Variants in RIMS1 observed in about 807,000 individuals in gnomAD.
RIMS1 encodes regulating synaptic membrane exocytosis protein 1.
Under a neutral mutation model 214.1 loss-of-function variants are expected in RIMS1, and 83 were observed. The ratio of observed to expected loss-of-function variants is 0.39; its 90% CI spans 0.32 to 0.47. The LOEUF (loss-of-function observed/expected upper bound fraction) is 0.47. Ranked by LOEUF, RIMS1 falls within the 20% of genes least tolerant of loss-of-function variation. The pLI is 0.99. For synonymous variants in RIMS1, 793 were observed against 786.8 expected (o/e 1.01, Z -0.13); for missense variants, 2,050 against 2,161.8 (o/e 0.95, Z 1.03).
chr6:72,231,650 C>A (rs1220334497), intron 6 of RIMS1, among the ~76,000 whole-genome samples: 1 of 151,646 alleles, frequency 6.6e-6, no homozygotes, highest in African/African-American at 2.4e-5. Context: ...AAATTAGATT[C>A]TTCATTCAGC....
At chr6:72,078,294 G>A (rs1237996917) in intron 2 of RIMS1, among the ~76,000 whole-genome samples, 1 of 152,090 alleles carries the variant, frequency 6.6e-6, no homozygotes, top group Non-Finnish European at 1.5e-5. Flanking sequence ...TTATTTTTAG[G>A]CAGGAGACAT....
chr6:72,064,574 T>C (rs1377540908), intron 2 of RIMS1, among the ~76,000 whole-genome samples: 1 of 152,220 alleles, frequency 6.6e-6, no homozygotes, highest in Non-Finnish European at 1.5e-5. Context: ...AATGCAATGC[T>C]GTGACAATGT....
intron 6 of RIMS1, among the ~76,000 whole-genome samples, chr6:72,196,672 T>C (rs1449656324): frequency 1.3e-5 from 2 of 149,036 alleles, no homozygotes; most frequent in Non-Finnish European, 3.0e-5. Flanking sequence ...CATTTGTTTT[T>C]CTTACTCCAT....
intron 6 of RIMS1, among the ~76,000 whole-genome samples, chr6:72,190,350 C>G (rs1288737718): frequency 6.6e-6 from 1 of 151,842 alleles, no homozygotes; most frequent in African/African-American, 2.4e-5. Context: ...GTAATCCCAG[C>G]TACTCGGGAG....
chr6:72,292,362 C>T (rs2093520095), intron 26 of RIMS1, among the ~76,000 whole-genome samples: 1 of 151,936 alleles, frequency 6.6e-6, no homozygotes, highest in African/African-American at 2.4e-5. Context: ...TGCAATATGG[C>T]ATTTTATGTG....
intron 4 of RIMS1, among the ~76,000 whole-genome samples, chr6:72,137,178 CTTG>C (rs1401184789): frequency 4.6e-5 from 7 of 152,060 alleles, no homozygotes; most frequent in Admixed American, 3.9e-4. Flanking sequence ...ATTCATCATT[CTTG>C]TTGTTTCAAG....
At chr6:72,127,055 T>C (rs1295277434) in intron 4 of RIMS1, among the ~76,000 whole-genome samples, 1 of 152,206 alleles carries the variant, frequency 6.6e-6, no homozygotes, top group African/African-American at 2.4e-5. Context: ...AGCTTCTCTA[T>C]ATTCATGTTT....
chr6:71,910,986 G>A (rs1015298987), intron 1 of RIMS1, among the ~76,000 whole-genome samples: 6 of 152,132 alleles, frequency 3.9e-5, no homozygotes, highest in African/African-American at 1.4e-4. Flanking sequence ...CTGTGCCAGG[G>A]TGAAGGTTAT....
chr6:72,264,405 G>A (rs1275704246), intron 19 of RIMS1, among the ~76,000 whole-genome samples: 2 of 152,004 alleles, frequency 1.3e-5, no homozygotes, highest in East Asian at 1.9e-4. Context: ...ATTTCCTGTG[G>A]TTGGGTCTGG....
At chr6:72,283,727 G>C (rs2091249013) in intron 23 of RIMS1, among the ~76,000 whole-genome samples, 1 of 152,030 alleles carries the variant, frequency 6.6e-6, no homozygotes, top group South Asian at 2.1e-4. Context: ...GCATTTGTTT[G>C]CTCATCAGCA....
At chr6:72,309,303 TAACTTAAA>T (rs1285894774) in intron 27 of RIMS1, among the ~76,000 whole-genome samples, 1 of 152,156 alleles carries the variant, frequency 6.6e-6, no homozygotes, top group African/African-American at 2.4e-5. Flanking sequence ...CTCTGACTCA[TAACTTAAA>T]AACTTGAAAA....
At chr6:71,892,380 C>T (rs1770178956) in intron 1 of RIMS1, among the ~76,000 whole-genome samples, 1 of 152,192 alleles carries the variant, frequency 6.6e-6, no homozygotes, top group South Asian at 2.1e-4. Flanking sequence ...ACTAGCTTGG[C>T]ATCTTCCTGA....
intron 6 of RIMS1, chr6:72,212,683 A>T: frequency 2.7e-6 from 1 of 366,004 alleles, no homozygotes; most frequent in Non-Finnish European, 3.8e-6. Context: ...GACACTAGTT[A>T]GAGTAATTTG....
intron 2 of RIMS1, among the ~76,000 whole-genome samples, chr6:72,035,371 T>C (rs1050734873): frequency 2.0e-5 from 3 of 152,168 alleles, no homozygotes; most frequent in Non-Finnish European, 4.4e-5. Context: ...AGTTTAGATA[T>C]AGATTTTTAG....
chr6:72,064,499 A>C (rs1337440759), intron 2 of RIMS1, among the ~76,000 whole-genome samples: 3 of 151,978 alleles, frequency 2.0e-5, no homozygotes, highest in Non-Finnish European at 4.4e-5. Context: ...GGAGGGAGGG[A>C]GGTAGGGAAG....
intron 29 of RIMS1, among the ~76,000 whole-genome samples, chr6:72,346,471 G>T (rs1308628548): frequency 6.6e-6 from 1 of 151,740 alleles, no homozygotes; most frequent in African/African-American, 2.4e-5. Context: ...AATTGCACTT[G>T]TTCACATACG....
At chr6:72,062,885 T>C (rs1562232560) in intron 2 of RIMS1, among the ~76,000 whole-genome samples, 1 of 152,122 alleles carries the variant, frequency 6.6e-6, no homozygotes, top group Non-Finnish European at 1.5e-5. Flanking sequence ...TACTTCTCTG[T>C]CTCTGTGGCC....
In RIMS1 at chr6:71,937,546, C is replaced by G. The variant is rs1784815662; in HGVS notation, c.165-31437C>G. Among the ~76,000 whole-genome samples, 4 of 152,260 alleles carry G rather than the reference C, an allele frequency of 2.6e-5. No homozygotes were observed. In the South Asian group the frequency reaches 8.3e-4, roughly 32 times the overall value. ...GGGATTACAGTGATGAACCACCACA[C>G]CTGGCCAGAGGTGGGAATTTTAAGA... is the stretch of plus-strand genomic sequence containing the variant. On this transcript the variant is annotated intron_variant, in intron 1 of 33. Coordinates refer to ENST00000521978, the MANE Select transcript of RIMS1 (RefSeq NM_014989.7).
At chr6:72,147,992 T>C (rs2042976055) in intron 4 of RIMS1, among the ~76,000 whole-genome samples, 1 of 152,078 alleles carries the variant, frequency 6.6e-6, no homozygotes, top group South Asian at 2.1e-4. Flanking sequence ...GACCCTGGAG[T>C]CCTGTGATGG....
Sources: allele counts gnomAD v4.1 joint callset (sites outside exome capture counted in the v4.1 genomes callset), GRCh38; gene constraint gnomAD v4.1.1; transcripts MANE v1.5; gene names NCBI Gene and HGNC (gene_info 2026-07-23, HGNC 2026-07-21).